The following SERINC5 variants were observed in gnomAD, a reference collection of about 807,000 sequenced individuals.
The protein encoded by SERINC5 is serine incorporator 5, also known as chromosome 5 open reading frame 12.
In SERINC5, 41 loss-of-function variants were observed where a neutral mutation model predicts 63.1. That is an observed-to-expected ratio of 0.65 (90% CI 0.51 to 0.84). SERINC5 has a LOEUF of 0.84. SERINC5 is among the 40% of genes least tolerant of loss of function. SERINC5 has a pLI of 0.00. For synonymous variants in SERINC5, 222 were observed against 215.2 expected (o/e 1.03, Z -0.28); for missense variants, 523 against 573.0 (o/e 0.91, Z 0.89).
intron 1 of SERINC5, among the ~76,000 whole-genome samples, chr5:80,246,684 CTTTAAAAT>C (rs1348532829): frequency 1.3e-5 from 2 of 152,260 alleles, no homozygotes; most frequent in East Asian, 3.9e-4. Flanking sequence ...TCCTGCTTCC[CTTTAAAAT>C]TCAAACAGAT....
At chr5:80,174,115 C>T (rs561110749) in intron 5 of SERINC5, among the ~76,000 whole-genome samples, 12 of 152,180 alleles carry the variant, frequency 7.9e-5, no homozygotes, top group African/African-American at 2.4e-4. Flanking sequence ...CATCCCAGTA[C>T]TTTGGGAGGC....
In SERINC5 at chr5:80,146,084, A is replaced by T. The variant is rs1163877257; in HGVS notation, c.1238+6T>A. ...TCAAAAATACCTAAGCAAATGGGCCACTCACTTGAACCAGTTGGTGACGGT... is the reference window on the plus strand; with the variant it reads ...TCAAAAATACCTAAGCAAATGGGCCTCTCACTTGAACCAGTTGGTGACGGT... On this transcript the variant is annotated splice_donor_region_variant and intron_variant, in intron 11 of 11. Transcript: ENST00000507668. The T allele has an allele frequency of 1.2e-6, 2 of 1,613,796 alleles. No individual in the cohort carries two copies. The highest frequency in any genetic ancestry group is 1.7e-6 in the Non-Finnish European group (2 of 1,179,790).
At chr5:80,179,709 T>C (rs35399922) in intron 2 of SERINC5, among the ~76,000 whole-genome samples, 14,160 of 152,260 alleles carry the variant, frequency 0.093, 853 homozygotes, top group Non-Finnish European at 0.14. Flanking sequence ...TCCAAAAAAA[T>C]CCAGAATGCT....
At chr5:80,162,370 T>C (rs1337631155) in intron 7 of SERINC5, among the ~76,000 whole-genome samples, 4 of 152,154 alleles carry the variant, frequency 2.6e-5, no homozygotes, top group African/African-American at 9.7e-5. Flanking sequence ...TTCGCTTGCA[T>C]CCTTTTTATT....
At chr5:80,134,135 T>A (rs1745058349), downstream of SERINC5, among the ~76,000 whole-genome samples, 1 of 152,160 alleles carries the variant, frequency 6.6e-6, no homozygotes, top group Non-Finnish European at 1.5e-5. Flanking sequence ...CAGTTTATAG[T>A]TCCCAGGCTA....
intron 1 of SERINC5, among the ~76,000 whole-genome samples, chr5:80,236,560 GCT>G (rs1561447887): frequency 7.0e-6 from 1 of 142,474 alleles, no homozygotes; most frequent in Non-Finnish European, 1.5e-5. Flanking sequence ...ACAGATTCTC[GCT>G]CTGTTGTCCA....
At chr5:80,186,842 C>T (rs1011831690) in intron 2 of SERINC5, among the ~76,000 whole-genome samples, 10 of 152,162 alleles carry the variant, frequency 6.6e-5, no homozygotes, top group Admixed American at 1.3e-4. Flanking sequence ...GTTGTGTAAT[C>T]GTGTTACTTG....
chr5:80,200,148 A>G (rs1389499526), intron 2 of SERINC5, among the ~76,000 whole-genome samples: 1 of 128,746 alleles, frequency 7.8e-6, no homozygotes, highest in Non-Finnish European at 1.7e-5. Flanking sequence ...ACAGAGCGAG[A>G]CTCGTAATTT....
chr5:80,218,535 C>T (rs1471697605), intron 1 of SERINC5, among the ~76,000 whole-genome samples: 1 of 151,844 alleles, frequency 6.6e-6, no homozygotes, highest in African/African-American at 2.4e-5. Flanking sequence ...AGTGAAACTC[C>T]ATGGTGGCAC....
intron 1 of SERINC5, among the ~76,000 whole-genome samples, chr5:80,225,056 T>C (rs1751109732): frequency 1.3e-5 from 2 of 151,748 alleles, no homozygotes; most frequent in Admixed American, 1.3e-4. Flanking sequence ...TTCTCTTGAC[T>C]CAGCCTCCCG....
At chr5:80,223,243 ACCCCTCG>A (rs962265901) in intron 1 of SERINC5, among the ~76,000 whole-genome samples, 2 of 152,068 alleles carry the variant, frequency 1.3e-5, no homozygotes, top group Non-Finnish European at 2.9e-5. Context: ...TGGTTCCAGG[ACCCCTCG>A]CGTGAATATC....
intron 2 of SERINC5, among the ~76,000 whole-genome samples, chr5:80,183,876 G>A (rs959514842): frequency 3.3e-5 from 5 of 151,914 alleles, no homozygotes; most frequent in Admixed American, 6.5e-5. Context: ...CTGTTTGGTG[G>A]TCTCTTCACA....
intron 1 of SERINC5, among the ~76,000 whole-genome samples, chr5:80,230,901 C>T (rs1170501021): frequency 6.6e-6 from 1 of 152,168 alleles, no homozygotes; most frequent in South Asian, 2.1e-4. Context: ...CAGCCTCAAC[C>T]TCCTGGGCTC....
chr5:80,123,027 A>G (rs1277158795), intron 11 of SERINC5, among the ~76,000 whole-genome samples: 3 of 152,228 alleles, frequency 2.0e-5, no homozygotes, highest in African/African-American at 7.2e-5. Context: ...TAATAAATTT[A>G]TGTTGTTAAA....
intron 1 of SERINC5, among the ~76,000 whole-genome samples, chr5:80,234,341 ACACTT>A (rs1164258046): frequency 6.6e-6 from 1 of 152,186 alleles, no homozygotes; most frequent in African/African-American, 2.4e-5. Context: ...TCACCTCACT[ACACTT>A]AAGAAAAATC....
downstream of SERINC5, among the ~76,000 whole-genome samples, chr5:80,135,867 G>A (rs1745149283): frequency 6.6e-6 from 1 of 151,058 alleles, no homozygotes; most frequent in African/African-American, 2.4e-5. Flanking sequence ...GTATCTATGT[G>A]GGAAGAAGCA....
intron 2 of SERINC5, among the ~76,000 whole-genome samples, chr5:80,184,790 G>C (rs1057321742): frequency 6.6e-6 from 1 of 152,190 alleles, no homozygotes; most frequent in African/African-American, 2.4e-5. Flanking sequence ...ACCACAGGGT[G>C]AAAGGAATGT....
downstream of SERINC5, among the ~76,000 whole-genome samples, chr5:80,134,112 A>C (rs111582155): frequency 7.9e-5 from 12 of 152,318 alleles, no homozygotes; most frequent in African/African-American, 2.9e-4. Context: ...CTAATTTGTT[A>C]GTCCTGCAAA....
intron 7 of SERINC5, among the ~76,000 whole-genome samples, chr5:80,164,954 G>A (rs1747190046): frequency 8.2e-6 from 1 of 121,492 alleles, no homozygotes; most frequent in Non-Finnish European, 1.6e-5. Flanking sequence ...ATGTTGCCAA[G>A]GCTGGTCTCA....
Sources: allele counts gnomAD v4.1 joint callset (sites outside exome capture counted in the v4.1 genomes callset), GRCh38; gene constraint gnomAD v4.1.1; transcripts MANE v1.5; gene names NCBI Gene and HGNC (gene_info 2026-07-23, HGNC 2026-07-21).